KLF8: variants seen among roughly 807,000 people sequenced by gnomAD.
KLF8 encodes Krueppel-like factor 8.
In KLF8, 10 loss-of-function variants were observed where a neutral mutation model predicts 18.2. The observed-to-expected ratio is 0.55, with a 90% CI of 0.34 to 0.93. KLF8 has a LOEUF of 0.93. Ranked by LOEUF, KLF8 falls within the 40% of genes least tolerant of loss-of-function variation. KLF8 has a pLI of 0.02. For missense variants in KLF8, 264 were observed against 277.9 expected, an observed-to-expected ratio of 0.95 and a Z score of 0.36; for synonymous variants, 109 against 97.3, an observed-to-expected ratio of 1.12 and a Z score of -0.71.
chrX:56,099,480 C>T, the KLF8 span, among the ~76,000 whole-genome samples: 1 of 111,748 alleles, frequency 8.9e-6, no homozygotes, highest in Non-Finnish European at 1.9e-5. Flanking sequence ...TCAAATATCT[C>T]CCAGTTAAAA....
intron 3 of KLF8, chrX:56,267,490 C>G (rs1298831661): frequency 9.0e-6 from 1 of 110,896 alleles, no homozygotes; most frequent in Non-Finnish European, 1.9e-5. Context: ...TCAATTAACT[C>G]CTCCTGGGTC....
chrX:56,196,970 C>G, the KLF8 span, among the ~76,000 whole-genome samples: 1 of 111,955 alleles, frequency 8.9e-6, no homozygotes, highest in Non-Finnish European at 1.9e-5. Flanking sequence ...TACATGGAAA[C>G]AGAACAACCT....
chrX:56,061,104 T>C, the KLF8 span, among the ~76,000 whole-genome samples: 2 of 111,928 alleles, frequency 1.8e-5, no homozygotes, highest in South Asian at 7.4e-4. Context: ...GATGATCTTT[T>C]CAAAAAACCA....
At chrX:56,165,539 G>A in the KLF8 span, among the ~76,000 whole-genome samples, 3 of 111,665 alleles carry the variant, frequency 2.7e-5, no homozygotes, top group Non-Finnish European at 5.6e-5. Context: ...AGTTGTGTGG[G>A]TCTTCAAAAC....
the KLF8 span, among the ~76,000 whole-genome samples, chrX:56,175,789 G>T: frequency 9.4e-4 from 105 of 111,489 alleles, no homozygotes; most frequent in African/African-American, 3.4e-3. Flanking sequence ...CTCCTGTATT[G>T]GGTGCATATA....
At chrX:55,921,701 T>A in the KLF8 span, among the ~76,000 whole-genome samples, 1 of 111,160 alleles carries the variant, frequency 9.0e-6, no homozygotes, top group Non-Finnish European at 1.9e-5. Context: ...TAGGAGAAAA[T>A]TTTTGCAATC....
the KLF8 span, among the ~76,000 whole-genome samples, chrX:56,221,519 A>G: frequency 2.7e-5 from 3 of 111,537 alleles, no homozygotes; most frequent in Non-Finnish European, 5.7e-5. Context: ...TACACTTCTT[A>G]AAGGCAGCGT....
At chrX:55,943,611 G>A in the KLF8 span, among the ~76,000 whole-genome samples, 6 of 111,877 alleles carry the variant, frequency 5.4e-5, no homozygotes, top group Non-Finnish European at 1.1e-4. Flanking sequence ...GAAGGCATGG[G>A]CTTTGGGGAA....
chrX:56,033,422 G>A, the KLF8 span, among the ~76,000 whole-genome samples: 1 of 110,373 alleles, frequency 9.1e-6, no homozygotes, highest in Non-Finnish European at 1.9e-5. Context: ...TTTTTTTGAT[G>A]GGCACTTAGA....
upstream of KLF8, among the ~76,000 whole-genome samples, chrX:56,229,178 G>T (rs781201971): frequency 2.7e-5 from 3 of 111,184 alleles, no homozygotes; most frequent in Non-Finnish European, 5.7e-5. Flanking sequence ...CTGGTAGTTT[G>T]TCAGCTGGCT....
At position 56,284,377 on chromosome X, in the gene KLF8, C is replaced by T; in HGVS notation, c.963C>T (p.Leu321=). ...GGAAATTTGCTCGCTCAGATGAGCT[C>T]ACTCGCCATTTCCGCAAGCACACAG... ...CSWKFARSDE[L]TRHFRKHTGI... is the part of the protein sequence containing the mutation. The change falls in exon 6 of 6, where the codon CTC becomes CTT. Residue 321 remains leucine (L), a synonymous_variant. Transcript: ENST00000468660. 2 of 1,206,098 alleles carry T rather than the reference C, an allele frequency of 1.7e-6. No individual in the cohort carries two copies. The highest frequency in any genetic ancestry group is 2.2e-6 in the Non-Finnish European group (2 of 892,552).
the KLF8 span, among the ~76,000 whole-genome samples, chrX:55,963,485 G>T: frequency 3.6e-5 from 4 of 111,350 alleles, no homozygotes; most frequent in Non-Finnish European, 7.5e-5. Context: ...ATCACTATCT[G>T]CTCTAATCAT....
At chrX:56,099,838 G>A in the KLF8 span, among the ~76,000 whole-genome samples, 2 of 111,831 alleles carry the variant, frequency 1.8e-5, no homozygotes, top group Non-Finnish European at 1.9e-5. Context: ...TGGTTCTTGA[G>A]GTTTAAGAAA....
the KLF8 span, among the ~76,000 whole-genome samples, chrX:56,190,935 C>A: frequency 9.1e-6 from 1 of 110,185 alleles, no homozygotes; most frequent in East Asian, 2.8e-4. Context: ...AAACAAAACC[C>A]CAAATTAGTA....
chrX:56,069,624 G>A, the KLF8 span, among the ~76,000 whole-genome samples: 1 of 111,463 alleles, frequency 9.0e-6, no homozygotes, highest in East Asian at 2.8e-4. Flanking sequence ...AATTTGCTAA[G>A]GGGTGCAGCC....
At chrX:56,036,701 T>C in the KLF8 span, among the ~76,000 whole-genome samples, 46 of 111,945 alleles carry the variant, frequency 4.1e-4, no homozygotes, top group African/African-American at 1.5e-3. Context: ...AATTTAAAAT[T>C]TTTTTTCTTT....
chrX:56,083,855 T>G, the KLF8 span, among the ~76,000 whole-genome samples: 6 of 111,809 alleles, frequency 5.4e-5, no homozygotes, highest in South Asian at 1.5e-3. Flanking sequence ...TGCCTGATAA[T>G]CTGAGGTGGA....
At chrX:56,142,116 G>A in the KLF8 span, among the ~76,000 whole-genome samples, 2 of 110,752 alleles carry the variant, frequency 1.8e-5, no homozygotes, top group Admixed American at 9.7e-5. Flanking sequence ...TCTCTAATAG[G>A]CAATTATTTT....
At chrX:56,053,901 T>A in the KLF8 span, among the ~76,000 whole-genome samples, 1 of 111,304 alleles carries the variant, frequency 9.0e-6, no homozygotes, top group Non-Finnish European at 1.9e-5. Flanking sequence ...TCTCCCTATT[T>A]CTTCATTCTA....
Sources: gnomAD v4.1 joint callset for allele counts (sites outside exome capture counted in the v4.1 genomes callset) on GRCh38, gnomAD v4.1.1 for gene constraint, MANE v1.5 for transcripts, NCBI Gene and HGNC (gene_info 2026-07-23, HGNC 2026-07-21) for gene names.